Variants in AK7 observed in about 807,000 individuals in gnomAD.
AK7 encodes the protein adenylate kinase 7, also known as ATP-AMP transphosphorylase 7.
A neutral mutation model predicts 96.6 loss-of-function variants in AK7; 78 were observed. The ratio of observed to expected loss-of-function variants is 0.81; its 90% CI spans 0.67 to 0.97. The LOEUF (loss-of-function observed/expected upper bound fraction) is 0.97, where lower values mean the gene tolerates loss of function less well. AK7 is among the 50% of genes least tolerant of loss of function. AK7 has a pLI of 0.00. For synonymous variants in AK7, 302 were observed against 317.2 expected (o/e 0.95, Z 0.51); for missense variants, 855 against 887.9 (o/e 0.96, Z 0.47).
intron 12 of AK7, among the ~76,000 whole-genome samples, chr14:96,470,856 C>T (rs117828433): frequency 3.9e-5 from 6 of 152,118 alleles, no homozygotes; most frequent in African/African-American, 9.7e-5. Flanking sequence ...AGAAACCCTG[C>T]GGGCGGGCGG....
At chr14:96,423,911 G>T in intron 5 of AK7, 1 of 1,050,244 alleles carries the variant, frequency 9.5e-7, no homozygotes, top group South Asian at 1.3e-5. Flanking sequence ...AATCCGGAGA[G>T]GACTGTGCCA....
intron 5 of AK7, among the ~76,000 whole-genome samples, chr14:96,437,486 T>G (rs1455790066): frequency 1.3e-5 from 2 of 152,206 alleles, no homozygotes; most frequent in African/African-American, 2.4e-5. Context: ...CTTCTTGGTT[T>G]CAGGTACTAG....
intron 12 of AK7, among the ~76,000 whole-genome samples, chr14:96,469,240 G>GC (rs1189082571): frequency 6.6e-6 from 1 of 152,220 alleles, no homozygotes; most frequent in Non-Finnish European, 1.5e-5. Context: ...ATAGACTTAG[G>GC]CCGGGGGCGG....
rs567486695 is a variant in AK7 at position 96,414,486 on chromosome 14, C to G, written c.498+5545C>G. Among the ~76,000 whole-genome samples the G allele has an allele frequency of 1.2e-4, 18 of 152,308 alleles. No homozygotes were observed. The South Asian group carries it at 3.5e-3, about 30-fold the overall frequency. On this transcript the variant is annotated intron_variant, in intron 4 of 17. Coordinates refer to ENST00000267584, the MANE Select transcript of AK7 (RefSeq NM_152327.5). ...ATTAGGAGAGACTTCAAGGAAGACA[C>G]GGGCTTTCTTTCTTTGTGGATGTTG...
At chr14:96,484,395 G>A (rs762445655) in intron 16 of AK7, among the ~76,000 whole-genome samples, 1 of 152,232 alleles carries the variant, frequency 6.6e-6, no homozygotes, top group East Asian at 1.9e-4. Context: ...CTGTTCCTAC[G>A]CAGCTGCCAG....
At chr14:96,437,786 G>T in intron 5 of AK7, 49 bp from the exon 6 acceptor site, 1 of 1,413,952 alleles carries the variant, frequency 7.1e-7, no homozygotes, top group South Asian at 1.2e-5. Flanking sequence ...GGTTCAGTAT[G>T]ACTAATAATA....
intron 12 of AK7, among the ~76,000 whole-genome samples, chr14:96,463,029 C>T (rs746520250): frequency 2.6e-5 from 4 of 151,878 alleles, no homozygotes; most frequent in African/African-American, 4.8e-5. Flanking sequence ...CCCAGCTACT[C>T]GGAAGGCTGA....
At chr14:96,457,054 C>CTTTTTTTTTTT (rs35838636) in intron 11 of AK7, 1 of 86,720 alleles carries the variant, frequency 1.2e-5, no homozygotes. Context: ...TGTAAAATGG[C>CTTTTTTTTTTT]TTTTTTTTTT....
intron 5 of AK7, among the ~76,000 whole-genome samples, chr14:96,437,006 G>C (rs1297580680): frequency 3.5e-5 from 5 of 144,478 alleles, no homozygotes; most frequent in African/African-American, 1.3e-4. Flanking sequence ...CAATAATAAA[G>C]ATGGTATTTT....
At position 96,483,122 on chromosome 14, in the gene AK7, C is replaced by T. The variant is rs759044085; in HGVS notation, c.1877C>T (p.Ala626Val). The T allele has an allele frequency of 1.3e-5, 21 of 1,613,958 alleles. No individual in the cohort carries two copies. The highest frequency in any genetic ancestry group is 6.7e-5 in the Admixed American group (4 of 60,004). The change falls in exon 16 of 18, where the codon GCG (alanine) becomes GTG (valine). Residue 626 changes from alanine to valine, a missense_variant. Coordinates refer to ENST00000267584, the MANE Select transcript of AK7 (RefSeq NM_152327.5). ...EEKAEEERKAAEERLAREAAE... is the reference protein window; with the variant it reads ...EEKAEEERKAVEERLAREAAE... ...AAGGCAGAAGAGGAGCGGAAGGCTG[C>T]GGAGGAGCGGCTGGCCAGGGAGGCT...
chr14:96,405,557 A>G (rs1458210422), intron 3 of AK7, among the ~76,000 whole-genome samples: 1 of 152,204 alleles, frequency 6.6e-6, no homozygotes, highest in Non-Finnish European at 1.5e-5. Context: ...TTGAATGTAC[A>G]GGGCAGATAC....
rs557138560 is a variant in AK7, at chr14:96,394,973, C to CA, written c.105+2721dup. ...CCTGGGCAACAGAGTAAAAATCTGC[C>CA]AAAAAAAGAGATACAGATATAGAGA... On this transcript the variant is annotated intron_variant, in intron 1 of 17. Coordinates refer to ENST00000267584, the MANE Select transcript of AK7 (RefSeq NM_152327.5). Among the ~76,000 whole-genome samples the CA allele has an allele frequency of 1.6e-4, 25 of 151,990 alleles. No individual in the cohort carries two copies. In the South Asian group the frequency reaches 4.6e-3, roughly 28 times the overall value.
chr14:96,444,693 T>C (rs1566788491), intron 7 of AK7, among the ~76,000 whole-genome samples: 1 of 151,980 alleles, frequency 6.6e-6, no homozygotes, highest in Admixed American at 6.6e-5. Context: ...AGTAACCTGG[T>C]ACTAACCTAT....
At chr14:96,398,334 CT>C in intron 2 of AK7, 71 bp downstream of exon 2, 2 of 1,531,538 alleles carry the variant, frequency 1.3e-6, no homozygotes, top group Non-Finnish European at 1.8e-6. Flanking sequence ...GCCTTGACAA[CT>C]TGTTTTACTG....
intron 5 of AK7, among the ~76,000 whole-genome samples, chr14:96,431,107 C>A (rs1424618457): frequency 6.6e-6 from 1 of 151,992 alleles, no homozygotes; most frequent in African/African-American, 2.4e-5. Flanking sequence ...GTGGCAATAT[C>A]CCCTTTGTCA....
At chr14:96,442,012 G>T (rs755810598) in intron 6 of AK7, among the ~76,000 whole-genome samples, 3 of 152,154 alleles carry the variant, frequency 2.0e-5, no homozygotes, top group Admixed American at 6.6e-5. Context: ...CTTTCTGAAA[G>T]TCCAAAATAT....
intron 7 of AK7, among the ~76,000 whole-genome samples, chr14:96,445,913 G>A (rs1184816824): frequency 6.6e-6 from 1 of 152,174 alleles, no homozygotes; most frequent in Admixed American, 6.5e-5. Context: ...GTTACTTACG[G>A]GGATAGGAGC....
At chr14:96,439,396 G>A (rs760843685) in intron 6 of AK7, among the ~76,000 whole-genome samples, 4 of 152,092 alleles carry the variant, frequency 2.6e-5, no homozygotes, top group East Asian at 1.9e-4. Flanking sequence ...ATTTTTGGCC[G>A]ACTCACGCCT....
At chr14:96,466,154 C>G (rs1433253879) in intron 12 of AK7, among the ~76,000 whole-genome samples, 1 of 151,384 alleles carries the variant, frequency 6.6e-6, no homozygotes, top group Non-Finnish European at 1.5e-5. Flanking sequence ...CAGCCCCTAT[C>G]TCCTGGACTC....
Sources: allele counts gnomAD v4.1 joint callset (sites outside exome capture counted in the v4.1 genomes callset), GRCh38; gene constraint gnomAD v4.1.1; transcripts MANE v1.5; gene names NCBI Gene and HGNC (gene_info 2026-07-23, HGNC 2026-07-21).